LMF1: variants seen among roughly 807,000 people sequenced by gnomAD.
LMF1 encodes the protein transmembrane protein 112.
In LMF1, 68 loss-of-function variants were observed where a neutral mutation model predicts 60.6. The ratio of observed to expected loss-of-function variants is 1.12; its 90% CI spans 0.92 to 1.37. The LOEUF (loss-of-function observed/expected upper bound fraction) is 1.37, where lower values mean the gene tolerates loss of function less well. LMF1 is among the 40% of genes most tolerant of loss of function. The pLI, the probability that LMF1 is intolerant of heterozygous loss-of-function variation, is 0.00. For synonymous variants in LMF1, 418 were observed against 324.7 expected (o/e 1.29, Z -3.09); for missense variants, 948 against 767.2 (o/e 1.24, Z -2.78).
chr16:917,174 T>C (rs944367270), intron 3 of LMF1, among the ~76,000 whole-genome samples: 27 of 152,284 alleles, frequency 1.8e-4, no homozygotes, highest in African/African-American at 6.5e-4. Flanking sequence ...GCCGGTACCA[T>C]GGGGGACGGG....
At chr16:947,991 G>GAGCCAACAACAGAGTC (rs1435350285) in intron 2 of LMF1, among the ~76,000 whole-genome samples, 7 of 151,248 alleles carry the variant, frequency 4.6e-5, no homozygotes, top group Admixed American at 1.3e-4. Context: ...GACAGAGTCA[G>GAGCCAACAACAGAGTC]AGCCAACGAC....
chr16:941,894 G>A (rs1346443271), intron 2 of LMF1, among the ~76,000 whole-genome samples: 1 of 152,144 alleles, frequency 6.6e-6, no homozygotes, highest in Non-Finnish European at 1.5e-5. Flanking sequence ...GTATATTACA[G>A]TATTACAGTT....
rs7206528 is a variant in LMF1, at chr16:853,697, C to T, written c.*835G>A. The T allele has an allele frequency of 3.8e-3, 1,725 of 454,062 alleles. 31 individuals carry two copies. The highest frequency in any genetic ancestry group is 0.031 in the African/African-American group (1,531 of 50,088). 28.1% of individuals were successfully genotyped at this position (454,062 alleles called of 1,614,324 possible). ...AGAAGAATATGCCATAGCTATGGCTCAAGAATAGGAATAAGAAAAATGTGC... is the reference window on the plus strand; with the variant it reads ...AGAAGAATATGCCATAGCTATGGCTTAAGAATAGGAATAAGAAAAATGTGC... On this transcript the variant is annotated 3_prime_UTR_variant, in exon 11 of 11. Coordinates refer to ENST00000262301, the MANE Select transcript of LMF1 (RefSeq NM_022773.4).
At chr16:890,426 C>A (rs912925554) in intron 5 of LMF1, among the ~76,000 whole-genome samples, 3 of 152,226 alleles carry the variant, frequency 2.0e-5, no homozygotes, top group Non-Finnish European at 4.4e-5. Context: ...CCGGCCCGGC[C>A]CCCCGAGACA....
chr16:938,361 G>A lies in LMF1; in HGVS notation c.504-4107C>T, dbSNP rs74004040. On this transcript the variant is annotated intron_variant, in intron 2 of 10. Transcript: ENST00000262301. ...GACAGCAGGGACGGGGCTGGACGGC[G>A]GCTCACAGGGAAGGCAGGGATGGGG... Among the ~76,000 whole-genome samples, 599 of 151,076 alleles carry A rather than the reference G, an allele frequency of 4.0e-3. 3 individuals are homozygous for A. The highest frequency in any genetic ancestry group is 0.014 in the African/African-American group (566 of 41,104).
chr16:979,109 G>A (rs1467384415), intron 1 of LMF1: 1 of 453,728 alleles, frequency 2.2e-6, no homozygotes, highest in South Asian at 1.6e-5. Context: ...GTGGGAAAGT[G>A]CCTGGCACAC....
intron 1 of LMF1, among the ~76,000 whole-genome samples, chr16:963,280 C>T (rs1025682370): frequency 3.3e-5 from 5 of 152,108 alleles, no homozygotes; most frequent in African/African-American, 1.2e-4. Flanking sequence ...ACATAGAGGA[C>T]ACCTCGCGGT....
chr16:940,107 G>A (rs2072056904), intron 2 of LMF1, among the ~76,000 whole-genome samples: 1 of 152,154 alleles, frequency 6.6e-6, no homozygotes, highest in Non-Finnish European at 1.5e-5. Flanking sequence ...GGGGTGCCCG[G>A]AGCCTCCAGG....
upstream of LMF1, among the ~76,000 whole-genome samples, chr16:972,539 C>T (rs915193226): frequency 6.6e-6 from 1 of 152,214 alleles, no homozygotes; most frequent in Non-Finnish European, 1.5e-5. Flanking sequence ...CTGTGGGGAA[C>T]AGGGAGCCCC....
rs1270594211 is a variant in LMF1, at chr16:897,374, GA to G, written c.664-4303del. On this transcript the variant is annotated intron_variant, in intron 4 of 10. Transcript: ENST00000262301. The surrounding 1 kb of genome is among the most constrained non-coding windows in gnomAD (Gnocchi z 4.3). ...CAGACCCCCAGCCCCTACAGTCCCC[GA>G]AAGCACCGGCTAACGTGGTGTTTGA... 6.6e-6 allele frequency among the ~76,000 whole-genome samples: 1 copy of G among 152,156 alleles called. No individual in the cohort carries two copies. The highest frequency in any genetic ancestry group is 1.5e-5 in the Non-Finnish European group (1 of 68,032).
At position 856,295 on chromosome 16, in the gene LMF1, G is replaced by A. The variant is rs114669570; in HGVS notation, c.1530-1589C>T. On this transcript the variant is annotated intron_variant, in intron 10 of 10. Coordinates refer to ENST00000262301, the MANE Select transcript of LMF1 (RefSeq NM_022773.4). ...CCAGCATGGGGACTGAGGCCAGGTG[G>A]TGCCAGGCAGAGAAGTCACACTGGA... 7.1e-3 allele frequency among the ~76,000 whole-genome samples: 1,076 copies of A among 152,270 alleles called. 5 individuals are homozygous for A. The highest frequency in any genetic ancestry group is 0.025 in the African/African-American group (1,022 of 41,554).
At chr16:967,982 T>C (rs72769438) in intron 1 of LMF1, among the ~76,000 whole-genome samples, 14,080 of 152,286 alleles carry the variant, frequency 0.092, 666 homozygotes, top group South Asian at 0.16. Context: ...TCTTCAACTC[T>C]GAGCCCTGTG....
intron 1 of LMF1, chr16:976,197 G>A: frequency 2.2e-6 from 1 of 450,394 alleles, no homozygotes; most frequent in Non-Finnish European, 4.5e-6. Flanking sequence ...GCCACGGATG[G>A]GCTGGGGGCT....
chr16:909,143 G>T (rs770602754), intron 4 of LMF1, among the ~76,000 whole-genome samples: 13 of 152,144 alleles, frequency 8.5e-5, no homozygotes, highest in Non-Finnish European at 1.8e-4. Flanking sequence ...ATACCACCAG[G>T]GAGCACCTCA....
chr16:907,527 G>A (rs1031212180), intron 4 of LMF1, among the ~76,000 whole-genome samples: 11 of 152,066 alleles, frequency 7.2e-5, no homozygotes, highest in South Asian at 2.1e-4. Flanking sequence ...CACCCTCATC[G>A]GGAGGGCCAC....
At chr16:860,395 G>A (rs2069424897) in intron 10 of LMF1, among the ~76,000 whole-genome samples, 1 of 151,100 alleles carries the variant, frequency 6.6e-6, no homozygotes, top group African/African-American at 2.4e-5. Flanking sequence ...GCTGGAGTGT[G>A]GTGGTGTGAT....
intron 7 of LMF1, 72 bp downstream of exon 7, chr16:871,089 G>A (rs2069774247): frequency 6.8e-7 from 1 of 1,461,356 alleles, no homozygotes; most frequent in Non-Finnish European, 9.1e-7. Flanking sequence ...AACCCACACG[G>A]GCAGGCTGTG....
At chr16:869,110 G>T in intron 9 of LMF1, 54 bp from the exon 10 acceptor site, 1 of 1,199,442 alleles carries the variant, frequency 8.3e-7, no homozygotes, top group Non-Finnish European at 1.2e-6. Flanking sequence ...TCCAGGCACA[G>T]CCCCTCCGGA....
chr16:974,628 G>C (rs187570821), upstream of LMF1, among the ~76,000 whole-genome samples: 3 of 152,288 alleles, frequency 2.0e-5, no homozygotes, highest in Non-Finnish European at 2.9e-5. Flanking sequence ...CCCTGTCCCC[G>C]CCGTCCCGGC....
Sources: allele counts gnomAD v4.1 joint callset (sites outside exome capture counted in the v4.1 genomes callset), GRCh38; gene constraint gnomAD v4.1.1; non-coding constraint Gnocchi (gnomAD v3.1); transcripts MANE v1.5; gene names NCBI Gene and HGNC (gene_info 2026-07-23, HGNC 2026-07-21).